Variants in PIK3CB observed in about 807,000 individuals in gnomAD.
PIK3CB encodes the protein phosphatidylinositol-4,5-bisphosphate 3-kinase catalytic subunit beta.
PIK3CB carries 39 observed loss-of-function variants against 136.8 expected under a neutral mutation model. That is an observed-to-expected ratio of 0.29 (90% CI 0.22 to 0.37). PIK3CB has a LOEUF of 0.37. Among genes scored for constraint, PIK3CB ranks in the 10% least tolerant of loss-of-function variants. The pLI is 1.00. For missense variants in PIK3CB, 868 were observed against 1,275.4 expected, an observed-to-expected ratio of 0.68 and a Z score of 4.87; for synonymous variants, 428 against 436.6, an observed-to-expected ratio of 0.98 and a Z score of 0.25.
In PIK3CB at chr3:138,706,718, C is replaced by T. The variant is rs547687520; in HGVS notation, c.1530+441G>A. On this transcript the variant is annotated intron_variant, in intron 11 of 23. Coordinates refer to ENST00000674063, the MANE Select transcript of PIK3CB (RefSeq NM_006219.3). Reference sequence around the variant, plus strand: ...TGTTGCCCAGGCTGGAGTGCAATGGCACGATCTTGGCTCACTGCAACCTCC... The same window carrying T: ...TGTTGCCCAGGCTGGAGTGCAATGGTACGATCTTGGCTCACTGCAACCTCC... 1.2e-4 allele frequency among the ~76,000 whole-genome samples: 19 copies of T among 152,254 alleles called. 1 individual carries two copies. In the South Asian group the frequency reaches 2.3e-3, roughly 18 times the overall value.
chr3:138,663,788 A>G, intron 21 of PIK3CB, 118 bp downstream of exon 21: 1 of 975,964 alleles, frequency 1.0e-6, no homozygotes, highest in Non-Finnish European at 1.5e-6. Flanking sequence ...ATTGAAGTAA[A>G]GACAAAGATA....
chr3:138,824,409 A>C (rs532612303), intron 1 of PIK3CB, among the ~76,000 whole-genome samples: 2 of 152,132 alleles, frequency 1.3e-5, no homozygotes, highest in Non-Finnish European at 2.9e-5. Flanking sequence ...GTTGAGATTC[A>C]CATTCTTGAT....
chr3:138,675,959 C>T (rs1314888022), intron 19 of PIK3CB, among the ~76,000 whole-genome samples: 1 of 152,096 alleles, frequency 6.6e-6, no homozygotes, highest in East Asian at 1.9e-4. Context: ...GGTGCTGAGA[C>T]AACTATACAT....
At chr3:138,791,741 C>T (rs1319563627) in intron 2 of PIK3CB, among the ~76,000 whole-genome samples, 10 of 152,182 alleles carry the variant, frequency 6.6e-5, no homozygotes. Context: ...CCTCCCCACC[C>T]TATCCAAAAT....
At chr3:138,713,417 A>G (rs2044544843) in intron 9 of PIK3CB, among the ~76,000 whole-genome samples, 1 of 151,998 alleles carries the variant, frequency 6.6e-6, no homozygotes, top group South Asian at 2.1e-4. Context: ...CACGCCTGTA[A>G]TCCCAGCACT....
intron 2 of PIK3CB, among the ~76,000 whole-genome samples, chr3:138,767,022 A>C (rs1199263848): frequency 6.6e-6 from 1 of 152,092 alleles, no homozygotes; most frequent in Non-Finnish European, 1.5e-5. Context: ...AGACAAAAAA[A>C]AAGTATCCGG....
chr3:138,822,615 G>T (rs902044148), intron 1 of PIK3CB, among the ~76,000 whole-genome samples: 1 of 151,602 alleles, frequency 6.6e-6, no homozygotes, highest in African/African-American at 2.4e-5. Flanking sequence ...GCTGAGGTGG[G>T]TGGATCACCT....
At chr3:138,748,156 TACACAC>T (rs3071146) in intron 4 of PIK3CB, among the ~76,000 whole-genome samples, 2,304 of 142,684 alleles carry the variant, frequency 0.016, 35 homozygotes, top group East Asian at 0.074. Flanking sequence ...TTAGAAATCA[TACACAC>T]ACACACACAC....
At chr3:138,768,459 A>G (rs1310268948) in intron 2 of PIK3CB, among the ~76,000 whole-genome samples, 1 of 152,198 alleles carries the variant, frequency 6.6e-6, no homozygotes, top group Non-Finnish European at 1.5e-5. Context: ...GTGTGTGCCA[A>G]CTGGTCCACA....
At chr3:138,825,832 A>G in intron 1 of PIK3CB, 1 of 1,175,532 alleles carries the variant, frequency 8.5e-7, no homozygotes, top group South Asian at 1.4e-5. Flanking sequence ...TGCACCATGA[A>G]GCTTTGGGTG....
intron 13 of PIK3CB, among the ~76,000 whole-genome samples, chr3:138,697,059 T>C (rs2044152000): frequency 1.3e-5 from 2 of 152,170 alleles, no homozygotes; most frequent in Admixed American, 6.5e-5. Context: ...ATTAAATAAA[T>C]TGCCAAAACT....
intron 19 of PIK3CB, among the ~76,000 whole-genome samples, chr3:138,674,519 G>A (rs2043605245): frequency 6.6e-6 from 1 of 151,924 alleles, no homozygotes; most frequent in Admixed American, 6.6e-5. Context: ...TAAACAAACA[G>A]CCACAACGAC....
At chr3:138,817,124 G>T (rs1463012123) in intron 1 of PIK3CB, among the ~76,000 whole-genome samples, 1 of 151,784 alleles carries the variant, frequency 6.6e-6, no homozygotes, top group Non-Finnish European at 1.5e-5. Flanking sequence ...GGATCACGAG[G>T]TCTGGAGATC....
intron 4 of PIK3CB, among the ~76,000 whole-genome samples, chr3:138,755,503 A>G (rs2045548641): frequency 6.6e-6 from 1 of 152,082 alleles, no homozygotes; most frequent in African/African-American, 2.4e-5. Flanking sequence ...TAAATAATAA[A>G]TCATTAGACA....
chr3:138,738,890 C>G (rs1390397889), intron 5 of PIK3CB, among the ~76,000 whole-genome samples: 1 of 152,186 alleles, frequency 6.6e-6, no homozygotes, highest in African/African-American at 2.4e-5. Flanking sequence ...ATAAATCACT[C>G]CCCTGAATTT....
intron 1 of PIK3CB, among the ~76,000 whole-genome samples, chr3:138,805,637 A>C (rs920035287): frequency 6.6e-6 from 1 of 151,832 alleles, no homozygotes; most frequent in Non-Finnish European, 1.5e-5. Context: ...GCGCCACAGC[A>C]CTCCAGCCTG....
At chr3:138,757,499 A>T (rs1011489907) in intron 3 of PIK3CB, among the ~76,000 whole-genome samples, 53 of 151,364 alleles carry the variant, frequency 3.5e-4, no homozygotes, top group African/African-American at 1.3e-3. Flanking sequence ...ACACACACAC[A>T]CACACACACA....
At chr3:138,656,772 T>C (rs569784121) in intron 22 of PIK3CB, among the ~76,000 whole-genome samples, 1 of 152,100 alleles carries the variant, frequency 6.6e-6, no homozygotes, top group South Asian at 2.1e-4. Context: ...AAGAAGATCA[T>C]CCAATGTTTT....
At chr3:138,685,420 AAAAG>A (rs1553722272) in intron 16 of PIK3CB, among the ~76,000 whole-genome samples, 162 of 86,978 alleles carry the variant, frequency 1.9e-3, no homozygotes, top group Non-Finnish European at 3.0e-3. Flanking sequence ...AAAAAAAAAA[AAAAG>A]AAAGAAAGAA....
Sources: gnomAD v4.1 joint callset for allele counts (sites outside exome capture counted in the v4.1 genomes callset) on GRCh38, gnomAD v4.1.1 for gene constraint, MANE v1.5 for transcripts, NCBI Gene and HGNC (gene_info 2026-07-23, HGNC 2026-07-21) for gene names.